ARFGEF3: variants seen among roughly 807,000 people sequenced by gnomAD.
ARFGEF3 encodes the protein brefeldin A-inhibited guanine nucleotide-exchange protein 3.
Under a neutral mutation model 221.7 loss-of-function variants are expected in ARFGEF3, and 96 were observed. That is an observed-to-expected ratio of 0.43 (90% CI 0.37 to 0.51). The LOEUF is 0.51. Among genes scored for constraint, ARFGEF3 ranks in the 20% least tolerant of loss-of-function variants. The pLI is 0.00. For synonymous variants in ARFGEF3, 1,145 were observed against 1,126.8 expected, an observed-to-expected ratio of 1.02 and a Z score of -0.32; for missense variants, 2,410 against 2,789.9, an observed-to-expected ratio of 0.86 and a Z score of 3.07.
chr6:138,321,753 A>G (rs1171022826), intron 29 of ARFGEF3, among the ~76,000 whole-genome samples: 1 of 152,250 alleles, frequency 6.6e-6, no homozygotes, highest in Non-Finnish European at 1.5e-5. Context: ...AAGGAAAATA[A>G]TTATATCAAA....
rs561255772 is a variant in ARFGEF3, at chr6:138,333,573, G to A, written c.5124-397G>A. ...TCTCCTGCTTCAGCCTCCCTAGTAA[G>A]CTGGGACTACAGGTGCCCGCCACCA... On this transcript the variant is annotated intron_variant, in intron 32 of 33. Coordinates refer to ENST00000251691, the MANE Select transcript of ARFGEF3 (RefSeq NM_020340.5). Among the ~76,000 whole-genome samples, 85 of 152,196 alleles carry A rather than the reference G, an allele frequency of 5.6e-4. 1 individual carries two copies. In the Middle Eastern group the frequency reaches 0.01, roughly 18 times the overall value.
chr6:138,324,292 C>T (rs913839101), intron 31 of ARFGEF3, 138 bp downstream of exon 31: 21 of 959,626 alleles, frequency 2.2e-5, no homozygotes, highest in African/African-American at 6.6e-5. Flanking sequence ...CAACTCTTGC[C>T]ACTACCATTC....
At chr6:138,332,724 A>G (rs189377517) in intron 32 of ARFGEF3, among the ~76,000 whole-genome samples, 51 of 152,314 alleles carry the variant, frequency 3.3e-4, no homozygotes, top group African/African-American at 1.1e-3. Context: ...ACTTAATATC[A>G]CTGAATTGTG....
At chr6:138,243,196 A>G (rs1778425683) in intron 7 of ARFGEF3, among the ~76,000 whole-genome samples, 2 of 152,274 alleles carry the variant, frequency 1.3e-5, no homozygotes, top group Admixed American at 1.3e-4. Context: ...ACTTATGCCA[A>G]CCACACCTGT....
At chr6:138,308,982 G>A (rs1229997182) in intron 24 of ARFGEF3, 121 bp downstream of exon 24, 5 of 1,220,970 alleles carry the variant, frequency 4.1e-6, no homozygotes, top group Non-Finnish European at 5.8e-6. Flanking sequence ...GGTACAAGCA[G>A]ATGGTGGTGT....
intron 2 of ARFGEF3, among the ~76,000 whole-genome samples, chr6:138,181,127 A>G (rs1174080584): frequency 6.6e-6 from 1 of 152,206 alleles, no homozygotes; most frequent in Non-Finnish European, 1.5e-5. Context: ...TTAGCTCTCC[A>G]TTACAAGGCC....
chr6:138,213,374 C>T (rs1382224123), intron 4 of ARFGEF3, among the ~76,000 whole-genome samples: 1 of 151,298 alleles, frequency 6.6e-6, no homozygotes, highest in Non-Finnish European at 1.5e-5. Flanking sequence ...TGGAAAATTG[C>T]TTGAACCTAG....
intron 2 of ARFGEF3, among the ~76,000 whole-genome samples, chr6:138,176,403 G>A (rs140545140): frequency 0.04 from 6,145 of 152,088 alleles, 136 homozygotes; most frequent in Middle Eastern, 0.092. Context: ...GGCTGGTCTC[G>A]AATGCCTGAC....
At position 138,286,933 on chromosome 6, in the gene ARFGEF3, T is replaced by G; in HGVS notation, c.2785+17T>G. The G allele has an allele frequency of 6.2e-7, 1 of 1,611,486 alleles. No individual in the cohort carries two copies. The highest frequency in any genetic ancestry group is 8.5e-7 in the Non-Finnish European group (1 of 1,179,090). ...GCGCTCTAGGTACCAGCGGGAGTAG[T>G]GTTCCCTGGCCGTGGTCCTGCAGAA... On this transcript the variant is annotated intron_variant, in intron 16 of 33. Coordinates refer to ENST00000251691, the MANE Select transcript of ARFGEF3 (RefSeq NM_020340.5).
intron 28 of ARFGEF3, among the ~76,000 whole-genome samples, 163 bp from the exon 29 acceptor site, chr6:138,320,948 G>A (rs920159693): frequency 6.6e-6 from 1 of 152,006 alleles, no homozygotes; most frequent in Admixed American, 6.5e-5. Context: ...GTTTTGGCGG[G>A]GGGGGGCAGG....
chr6:138,326,617 C>A (rs1342423656), intron 31 of ARFGEF3, among the ~76,000 whole-genome samples: 20 of 152,104 alleles, frequency 1.3e-4, no homozygotes, highest in African/African-American at 3.6e-4. Context: ...ACAATAGGTG[C>A]TGGTGAGGTC....
chr6:138,254,719 A>T (rs1231402211), intron 9 of ARFGEF3, among the ~76,000 whole-genome samples: 6 of 152,276 alleles, frequency 3.9e-5, no homozygotes, highest in East Asian at 1.9e-4. Flanking sequence ...CTGTCTCAAA[A>T]ATATATAATA....
chr6:138,209,405 A>C (rs1328727072), intron 3 of ARFGEF3, among the ~76,000 whole-genome samples: 1 of 152,166 alleles, frequency 6.6e-6, no homozygotes, highest in Admixed American at 6.5e-5. Flanking sequence ...ATAATCCAAT[A>C]GCAGGAAAAG....
Position 138,334,221 on chromosome 6 carries a change from G to C in ARFGEF3, c.5375G>C (p.Cys1792Ser), listed in dbSNP as rs1780278290. 2 of 1,613,856 alleles carry C rather than the reference G, an allele frequency of 1.2e-6. No homozygotes were observed. The highest frequency in any genetic ancestry group is 1.7e-6 in the Non-Finnish European group (2 of 1,179,852). Residue 1792 changes from cysteine (C) to serine (S), a missense_variant, in exon 33 of 34, where the codon TGC (cysteine) becomes TCC (serine). Cys to Ser is a moderately radical substitution (Grantham distance 112). This residue lies in a region of ARFGEF3 where 723 missense variants were observed against 991.9 expected (regional missense o/e 0.73). Transcript: ENST00000251691. This position sits in a 1 kb window ranked among gnomAD's most constrained non-coding sequence, Gnocchi z 5.1. ...REFDTSPGLK[C>S]LLKKVSGIGG... The stretch of plus-strand genomic sequence containing the variant: ...TTTGACACCAGCCCCGGGCTGAAGT[G>C]CCTGCTGAAGAAAGTGTCTGGCATC...
Position 138,307,235 on chromosome 6 carries a change from T to G in ARFGEF3, c.3829-18T>G, listed in dbSNP as rs1306239783. ...TTAAGGAGAGGGCTTTAAGTGCCACTTGCTTTGCCTCTACCAGGTTGTCAC... is the reference window on the plus strand; with the variant it reads ...TTAAGGAGAGGGCTTTAAGTGCCACGTGCTTTGCCTCTACCAGGTTGTCAC... On this transcript the variant is annotated intron_variant, in intron 22 of 33. Transcript: ENST00000251691. 1.2e-6 allele frequency: 2 copies of G among 1,610,974 alleles called. No individual in the cohort carries two copies. The highest frequency in any genetic ancestry group is 2.7e-5 in the African/African-American group (2 of 75,012).
intron 17 of ARFGEF3, 47 bp downstream of exon 17, chr6:138,287,231 T>G (rs1220689736): frequency 3.7e-6 from 5 of 1,360,424 alleles, no homozygotes; most frequent in Non-Finnish European, 5.1e-6. Flanking sequence ...GGGTGCAGTA[T>G]GCACACACCT....
chr6:138,323,595 G>C (rs1780073418), intron 29 of ARFGEF3, 76 bp from the exon 30 acceptor site: 2 of 1,392,236 alleles, frequency 1.4e-6, no homozygotes, highest in East Asian at 4.7e-5. Flanking sequence ...TGGGCAACAA[G>C]AGCAAAACTC....
Position 138,334,683 on chromosome 6 carries a change from A to G in ARFGEF3, c.5837A>G (p.Glu1946Gly), listed in dbSNP as rs1370790418. The change falls in exon 33 of 34, where the codon GAG becomes GGG. Residue 1946 changes from glutamate (E) to glycine (G), a missense_variant. Physicochemically the swap from Glu to Gly is moderately conservative, Grantham distance 98 (BLOSUM62 -2). Coordinates refer to ENST00000251691, the MANE Select transcript of ARFGEF3 (RefSeq NM_020340.5). This position sits in a 1 kb window ranked among gnomAD's most constrained non-coding sequence, Gnocchi z 5.1. ...PFFILPSFQS[E>G]SSTPSTGGFS... is the part of the protein sequence containing the mutation. ...TTCATCCTGCCCTCCTTCCAGTCCG[A>G]GTCATCCACCCCATCCACCGGGGGC... 6.2e-7 allele frequency: 1 copy of G among 1,612,128 alleles called. No individual in the cohort carries two copies. Among genetic ancestry groups the G allele is most frequent in the Admixed American group, 1.7e-5 (1 of 59,996 alleles).
At chr6:138,285,235 A>G (rs1183541095) in intron 14 of ARFGEF3, among the ~76,000 whole-genome samples, 1 of 150,724 alleles carries the variant, frequency 6.6e-6, no homozygotes, top group Non-Finnish European at 1.5e-5. Context: ...AGGCCGAGGC[A>G]GGCAGATCAC....
Sources: gnomAD v4.1 joint callset for allele counts (sites outside exome capture counted in the v4.1 genomes callset) on GRCh38, gnomAD v4.1.1 for gene constraint, gnomAD v4.1.1 regional missense constraint, Gnocchi (gnomAD v3.1) non-coding constraint, MANE v1.5 for transcripts, NCBI Gene and HGNC (gene_info 2026-07-23, HGNC 2026-07-21) for gene names.